The following JAKMIP2 variants were observed in gnomAD, a reference collection of about 807,000 sequenced individuals.
JAKMIP2 encodes janus kinase and microtubule interacting protein 2.
Under a neutral mutation model 115.0 loss-of-function variants are expected in JAKMIP2, and 25 were observed. That is an observed-to-expected ratio of 0.22 (90% CI 0.16 to 0.30). The LOEUF (loss-of-function observed/expected upper bound fraction) is 0.30. Among genes scored for constraint, JAKMIP2 ranks in the 10% least tolerant of loss-of-function variants. JAKMIP2 has a pLI of 1.00. For missense variants in JAKMIP2, 642 were observed against 957.6 expected (o/e 0.67, Z 4.35); for synonymous variants, 334 against 343.6 (o/e 0.97, Z 0.31).
At chr5:147,614,567 C>T (rs1684341210) in intron 19 of JAKMIP2, among the ~76,000 whole-genome samples, 1 of 152,182 alleles carries the variant, frequency 6.6e-6, no homozygotes, top group East Asian at 1.9e-4. Context: ...CTTCTACCTG[C>T]TCTTCCTGCC....
chr5:147,649,727 G>C (rs1454485622), intron 4 of JAKMIP2, among the ~76,000 whole-genome samples: 1 of 151,962 alleles, frequency 6.6e-6, no homozygotes, highest in Non-Finnish European at 1.5e-5. Context: ...ACCCATCTCT[G>C]TTCCTAAATA....
At chr5:147,713,168 C>T (rs1166037954) in intron 1 of JAKMIP2, among the ~76,000 whole-genome samples, 1 of 152,054 alleles carries the variant, frequency 6.6e-6, no homozygotes, top group East Asian at 1.9e-4. Context: ...TTTTTTTTAA[C>T]TTCAAGGATC....
At chr5:147,706,532 T>A (rs1489690583) in intron 1 of JAKMIP2, among the ~76,000 whole-genome samples, 1 of 152,180 alleles carries the variant, frequency 6.6e-6, no homozygotes, top group Non-Finnish European at 1.5e-5. Context: ...TTAACAGATA[T>A]CTCTTTAAAA....
intron 1 of JAKMIP2, among the ~76,000 whole-genome samples, chr5:147,731,147 C>T (rs984239455): frequency 2.0e-5 from 3 of 152,138 alleles, no homozygotes; most frequent in Non-Finnish European, 2.9e-5. Flanking sequence ...ACAAGGGTCA[C>T]GTCAGTTCTA....
At chr5:147,769,296 GAT>G (rs1427878931) in intron 1 of JAKMIP2, among the ~76,000 whole-genome samples, 18 of 152,154 alleles carry the variant, frequency 1.2e-4, no homozygotes, top group Non-Finnish European at 2.1e-4. Flanking sequence ...AGAAGAGAAA[GAT>G]TTCATTTCAT....
At chr5:147,715,150 TTAGTC>T (rs1458018680) in intron 1 of JAKMIP2, among the ~76,000 whole-genome samples, 7 of 152,048 alleles carry the variant, frequency 4.6e-5, no homozygotes, top group African/African-American at 9.7e-5. Flanking sequence ...AACACAAAGA[TTAGTC>T]TATAACTTCT....
At chr5:147,743,965 C>A (rs1441196932) in intron 1 of JAKMIP2, among the ~76,000 whole-genome samples, 3 of 151,136 alleles carry the variant, frequency 2.0e-5, no homozygotes, top group Non-Finnish European at 4.4e-5. Flanking sequence ...CCCTCCCTCC[C>A]TCCTTCTCCC....
intron 16 of JAKMIP2, among the ~76,000 whole-genome samples, chr5:147,627,948 C>G (rs949999044): frequency 3.3e-5 from 5 of 150,838 alleles, no homozygotes; most frequent in African/African-American, 1.2e-4. Flanking sequence ...TTGGAGAGAG[C>G]TGATTGCTTG....
intron 9 of JAKMIP2, 32 bp from the exon 10 acceptor site, chr5:147,639,792 T>C (rs757794645): frequency 5.6e-6 from 9 of 1,608,200 alleles, no homozygotes; most frequent in South Asian, 1.1e-5. Flanking sequence ...CCCAAAACAA[T>C]TGTGTTATGT....
intron 1 of JAKMIP2, among the ~76,000 whole-genome samples, chr5:147,675,045 C>T (rs187709412): frequency 6.6e-6 from 1 of 152,324 alleles, no homozygotes; most frequent in East Asian, 1.9e-4. Context: ...ACATTCTTCT[C>T]TCCCATTGTA....
chr5:147,648,251 T>C, intron 5 of JAKMIP2, 125 bp downstream of exon 5: 1 of 572,268 alleles, frequency 1.7e-6, no homozygotes, highest in Non-Finnish European at 3.1e-6. Context: ...TGTGAATATC[T>C]ATTGAATGGT....
chr5:147,607,436 T>C (rs1354966898), intron 20 of JAKMIP2, among the ~76,000 whole-genome samples: 1 of 152,218 alleles, frequency 6.6e-6, no homozygotes, highest in African/African-American at 2.4e-5. Context: ...GATAATCATG[T>C]GGTTTTTGTC....
intron 6 of JAKMIP2, 40 bp from the exon 7 acceptor site, chr5:147,644,238 A>G (rs746320917): frequency 1.4e-5 from 21 of 1,469,270 alleles, no homozygotes; most frequent in South Asian, 1.1e-4. Context: ...GAGACTTTAA[A>G]AACCTCAAAC....
chr5:147,658,186 G>C (rs1758774031), intron 3 of JAKMIP2, among the ~76,000 whole-genome samples: 1 of 152,092 alleles, frequency 6.6e-6, no homozygotes, highest in Non-Finnish European at 1.5e-5. Flanking sequence ...TTTTGTGGGA[G>C]GGTCTTTTGT....
At chr5:147,652,241 T>C (rs1758434090) in intron 3 of JAKMIP2, among the ~76,000 whole-genome samples, 1 of 152,204 alleles carries the variant, frequency 6.6e-6, no homozygotes, top group Admixed American at 6.5e-5. Flanking sequence ...TCTAGTAAGT[T>C]GTGAAGCCGT....
At chr5:147,676,039 AAG>A (rs1186571267) in intron 1 of JAKMIP2, among the ~76,000 whole-genome samples, 1 of 152,046 alleles carries the variant, frequency 6.6e-6, no homozygotes, top group Non-Finnish European at 1.5e-5. Flanking sequence ...GAGTGCAAAA[AAG>A]AGAGTGCCTG....
At chr5:147,657,770 C>G (rs1331216440) in intron 3 of JAKMIP2, among the ~76,000 whole-genome samples, 2 of 151,752 alleles carry the variant, frequency 1.3e-5, no homozygotes, top group African/African-American at 4.8e-5. Flanking sequence ...AAATTCTGAT[C>G]TCCTTTCTTC....
intron 7 of JAKMIP2, 68 bp from the exon 8 acceptor site, chr5:147,641,832 A>T: frequency 7.7e-7 from 1 of 1,302,406 alleles, no homozygotes; most frequent in Non-Finnish European, 1.1e-6. Context: ...TTTTGCAAAG[A>T]CAGAGTGTTC....
chr5:147,610,916 C>G (rs762527078), intron 20 of JAKMIP2, among the ~76,000 whole-genome samples: 1 of 152,196 alleles, frequency 6.6e-6, no homozygotes, highest in Non-Finnish European at 1.5e-5. Context: ...AGTCTGGCTA[C>G]AGCAGCTTTG....
Sources: gnomAD v4.1 joint callset for allele counts (sites outside exome capture counted in the v4.1 genomes callset) on GRCh38, gnomAD v4.1.1 for gene constraint, MANE v1.5 for transcripts, NCBI Gene and HGNC (gene_info 2026-07-23, HGNC 2026-07-21) for gene names.